The following STARD3 variants were observed in gnomAD, a reference collection of about 807,000 sequenced individuals.
The protein encoded by STARD3 is StAR related lipid transfer domain containing 3, also known as stAR-related lipid transfer protein 3.
Under a neutral mutation model 62.0 loss-of-function variants are expected in STARD3, and 39 were observed. The observed-to-expected ratio is 0.63, with a 90% confidence interval of 0.49 to 0.82. The LOEUF is 0.82. Ranked by LOEUF, STARD3 falls within the 40% of genes least tolerant of loss-of-function variation. STARD3 has a pLI of 0.00. For synonymous variants in STARD3, 229 were observed against 242.4 expected, an observed-to-expected ratio of 0.94 and a Z score of 0.51; for missense variants, 543 against 584.5, an observed-to-expected ratio of 0.93 and a Z score of 0.73.
At chr17:39,661,772 C>G (rs565620976) in intron 13 of STARD3, among the ~76,000 whole-genome samples, 1 of 152,344 alleles carries the variant, frequency 6.6e-6, no homozygotes, top group East Asian at 1.9e-4. Context: ...TGCCAACTTC[C>G]TTATCTGCAG....
chr17:39,663,310 T>G lies in STARD3; in HGVS notation c.*402T>G. 2.6e-6 allele frequency: 1 copy of G among 379,194 alleles called. No homozygotes were observed. The highest frequency in any genetic ancestry group is 4.7e-6 in the Non-Finnish European group (1 of 213,866). The allele number at this position is 379,194 out of a possible 1,614,324, so 23.5% of individuals were successfully genotyped here. A position where few individuals can be genotyped will look rare whatever the true frequency, so the allele number is the denominator to read the frequency against. On this transcript the variant is annotated 3_prime_UTR_variant, in exon 15 of 15. Coordinates refer to ENST00000336308, the MANE Select transcript of STARD3 (RefSeq NM_006804.4). ...TTCATCTGCCTGCGCTCTCGTCGGT[T>G]TTTTTAGGATTATTGAAAGAGTCTG...
rs761416520 is a variant in STARD3, at chr17:39,661,000, C to T, written c.1054C>T (p.Arg352Cys). The T allele has an allele frequency of 6.2e-6, 10 of 1,613,658 alleles. No homozygotes were observed. The highest frequency in any genetic ancestry group is 8.5e-6 in the Non-Finnish European group (10 of 1,179,994). ...VSPRDFVNVRRIERRRDRYLS... is the reference protein window; with the variant it reads ...VSPRDFVNVRCIERRRDRYLS... ...CCGCAGGGACTTCGTGAATGTCCGG[C>T]GCATTGAGCGGCGCAGGGACCGATA... The change falls in exon 13 of 15, where the codon CGC (arginine) becomes TGC (cysteine). Residue 352 changes from arginine (R) to cysteine (C), a missense_variant. Arg to Cys is a radical substitution (Grantham distance 180). Coordinates refer to ENST00000336308, the MANE Select transcript of STARD3 (RefSeq NM_006804.4). The surrounding 1 kb of genome is among the most constrained non-coding windows in gnomAD (Gnocchi z 4.8).
intron 1 of STARD3, among the ~76,000 whole-genome samples, chr17:39,642,920 A>G (rs1443321377): frequency 6.6e-6 from 1 of 151,862 alleles, no homozygotes; most frequent in African/African-American, 2.4e-5. Context: ...GTGTGGCTGG[A>G]GTAGAGGGCT....
intron 8 of STARD3, 84 bp from the exon 9 acceptor site, chr17:39,659,377 G>A: frequency 2.2e-6 from 3 of 1,354,640 alleles, no homozygotes; most frequent in Non-Finnish European, 3.1e-6. Context: ...GAAGCATGTG[G>A]TATGTCTAGA....
chr17:39,659,519 C>T lies in STARD3; in HGVS notation c.761C>T (p.Ala254Val). 6.2e-7 allele frequency: 1 copy of T among 1,614,130 alleles called. No individual in the cohort carries two copies. The highest frequency in any genetic ancestry group is 8.5e-7 in the Non-Finnish European group (1 of 1,180,004). The stretch of plus-strand genomic sequence containing the variant: ...ACGGCAGTGGTGGACCAGATCTTGG[C>T]CCAGGAAGAGAACTGGAAGTTTGAG... Reference protein sequence around the residue: ...EATAVVDQILAQEENWKFEKN... With the variant: ...EATAVVDQILVQEENWKFEKN... Residue 254 changes from alanine (A) to valine (V), a missense_variant, in exon 9 of 15, where the codon GCC becomes GTC. Ala to Val is a moderately conservative substitution (Grantham distance 64). Transcript: ENST00000336308.
At chr17:39,657,332 C>T (rs980756699) in intron 3 of STARD3, among the ~76,000 whole-genome samples, 15 of 152,066 alleles carry the variant, frequency 9.9e-5, no homozygotes, top group African/African-American at 3.1e-4. Context: ...TCGAAACCAG[C>T]TTGGCCATCA....
At chr17:39,661,616 G>A (rs2057199271) in intron 13 of STARD3, among the ~76,000 whole-genome samples, 2 of 152,136 alleles carry the variant, frequency 1.3e-5, no homozygotes, top group African/African-American at 2.4e-5. Context: ...CTGTGGTGCT[G>A]CGGGTGGCCC....
Position 39,662,912 on chromosome 17 carries a change from T to G in STARD3, c.*4T>G. Reference sequence around the variant, plus strand: ...CGAGCTGGGGGCCCGGGCGTGACTGTGCCCCCTCCCACCCTGCGGGCCAGG... The same window carrying G: ...CGAGCTGGGGGCCCGGGCGTGACTGGGCCCCCTCCCACCCTGCGGGCCAGG... On this transcript the variant is annotated 3_prime_UTR_variant, in exon 15 of 15. Coordinates refer to ENST00000336308, the MANE Select transcript of STARD3 (RefSeq NM_006804.4). 6.2e-7 allele frequency: 1 copy of G among 1,608,606 alleles called. No homozygotes were observed. Among genetic ancestry groups the G allele is most frequent in the Non-Finnish European group, 8.5e-7 (1 of 1,177,850 alleles).
chr17:39,638,205 C>A (rs1487865483), intron 1 of STARD3, among the ~76,000 whole-genome samples: 1 of 152,248 alleles, frequency 6.6e-6, no homozygotes, highest in Non-Finnish European at 1.5e-5. Context: ...TCTTCTGTTA[C>A]CACGCTGTTG....
At chr17:39,661,315 G>A (rs2145048065) in intron 13 of STARD3, 1 of 566,666 alleles carries the variant, frequency 1.8e-6, no homozygotes, top group Non-Finnish European at 3.2e-6. Flanking sequence ...AGGCTGGACG[G>A]GATGTGCGGC....
rs936865215 is a variant in STARD3 at position 39,663,355 on chromosome 17, G to T, written c.*447G>T. The T allele has an allele frequency of 9.4e-6, 3 of 320,128 alleles. No homozygotes were observed. The highest frequency in any genetic ancestry group is 2.1e-5 in the African/African-American group (1 of 46,790). 19.8% of individuals were successfully genotyped at this position (320,128 alleles called of 1,614,324 possible). A position where few individuals can be genotyped will look rare whatever the true frequency, so the allele number is the denominator to read the frequency against. On this transcript the variant is annotated 3_prime_UTR_variant, in exon 15 of 15. Transcript: ENST00000336308. ...AGTCTGGGACCCTTGTTGGGGAGTGGGTGGCAGGTGGGGGTGGGCTGCTGG... is the reference window on the plus strand; with the variant it reads ...AGTCTGGGACCCTTGTTGGGGAGTGTGTGGCAGGTGGGGGTGGGCTGCTGG...
intron 1 of STARD3, among the ~76,000 whole-genome samples, chr17:39,643,616 T>C (rs1185820712): frequency 6.6e-6 from 1 of 152,134 alleles, no homozygotes; most frequent in Non-Finnish European, 1.5e-5. Flanking sequence ...CAGCAGGACA[T>C]AGACCAAGGC....
chr17:39,660,649 C>A lies in STARD3; in HGVS notation c.954+123C>A. ...TACAGTGGGTGTGATGGTAACAGTG[C>A]CTGCTCGGGAGGGTCGGGAGGAGGG... On this transcript the variant is annotated intron_variant, in intron 11 of 14. Transcript: ENST00000336308. This position sits in a 1 kb window ranked among gnomAD's most constrained non-coding sequence, Gnocchi z 4.8. 7.3e-7 allele frequency: 1 copy of A among 1,371,646 alleles called. No homozygotes were observed. Among genetic ancestry groups the A allele is most frequent in the Non-Finnish European group, 1.0e-6 (1 of 975,046 alleles). 85.0% of individuals were successfully genotyped at this position (1,371,646 alleles called of 1,614,324 possible).
At chr17:39,643,719 C>G (rs1054366591) in intron 1 of STARD3, among the ~76,000 whole-genome samples, 1 of 152,174 alleles carries the variant, frequency 6.6e-6, no homozygotes, top group Admixed American at 6.5e-5. Flanking sequence ...CAAAACAACC[C>G]CAGCCCTGCC....
rs373262738 is a variant in STARD3, at chr17:39,660,527, G to A, written c.954+1G>A. ...GAACAAGACAGTGACTGCCTGCCAG[G>A]TGAGCCCAGTCTGGCTGCCTCTTAA... is the stretch of plus-strand genomic sequence containing the variant. On this transcript the variant is annotated splice_donor_variant, in intron 11 of 14. Coordinates refer to ENST00000336308, the MANE Select transcript of STARD3 (RefSeq NM_006804.4). LOFTEE classifies it high-confidence loss of function. This position sits in a 1 kb window ranked among gnomAD's most constrained non-coding sequence, Gnocchi z 4.8. 1.5e-5 allele frequency: 24 copies of A among 1,613,892 alleles called. No homozygotes were observed. Among genetic ancestry groups the A allele is most frequent in the Non-Finnish European group, 2.0e-5 (24 of 1,180,012 alleles).
At chr17:39,649,456 G>A (rs1336913307) in intron 1 of STARD3, among the ~76,000 whole-genome samples, 4 of 152,160 alleles carry the variant, frequency 2.6e-5, no homozygotes, top group Non-Finnish European at 5.9e-5. Context: ...ATCAAAGAAC[G>A]AGAAAGACAA....
chr17:39,661,210 C>T (rs941045637), intron 13 of STARD3, 125 bp downstream of exon 13: 21 of 806,366 alleles, frequency 2.6e-5, no homozygotes, highest in Admixed American at 2.1e-4. Context: ...TTCCCTGTCC[C>T]GCTGGGCTCT....
At chr17:39,659,958 G>GA in intron 9 of STARD3, 1 of 576,910 alleles carries the variant, frequency 1.7e-6, no homozygotes, top group Non-Finnish European at 3.1e-6. Flanking sequence ...CATTGGCCTG[G>GA]AGACATGGTT....
chr17:39,655,958 C>T (rs765576616), intron 2 of STARD3, among the ~76,000 whole-genome samples: 1 of 142,248 alleles, frequency 7.0e-6, no homozygotes, highest in Non-Finnish European at 1.5e-5. Flanking sequence ...GGCTGCAGAG[C>T]CCAGGGCAGA....
Sources: allele counts gnomAD v4.1 joint callset (sites outside exome capture counted in the v4.1 genomes callset), GRCh38; gene constraint gnomAD v4.1.1; non-coding constraint Gnocchi (gnomAD v3.1); transcripts MANE v1.5; gene names NCBI Gene and HGNC (gene_info 2026-07-23, HGNC 2026-07-21).